ACSF3: variants seen among roughly 807,000 people sequenced by gnomAD.
ACSF3 encodes the protein acyl-CoA synthetase family member 3, also known as malonate--CoA ligase ACSF3, mitochondrial.
Under a neutral mutation model 53.2 loss-of-function variants are expected in ACSF3, and 78 were observed. That is an observed-to-expected ratio of 1.47 (90% CI 1.22 to 1.77). The LOEUF (loss-of-function observed/expected upper bound fraction) is 1.77. ACSF3 is among the 40% of genes most tolerant of loss of function. The pLI, the probability that ACSF3 is intolerant of heterozygous loss-of-function variation, is 0.00. For synonymous variants in ACSF3, 414 were observed against 333.1 expected (o/e 1.24, Z -2.65); for missense variants, 937 against 771.1 (o/e 1.22, Z -2.55).
rs560200207 is a variant in ACSF3, at chr16:89,135,958, A to G, written c.1366+2696A>G. On this transcript the variant is annotated intron_variant, in intron 8 of 10. Coordinates refer to ENST00000614302, the MANE Select transcript of ACSF3 (RefSeq NM_001243279.3). ...CCCGGCTAATTTTTGTATTTTTAGT[A>G]AAGACAGGGTTTTGCCATGTTGGCC... is the stretch of plus-strand genomic sequence containing the variant. 1.1e-3 allele frequency among the ~76,000 whole-genome samples: 172 copies of G among 152,312 alleles called. 2 individuals are homozygous for G. The highest frequency in any genetic ancestry group is 3.7e-3 in the African/African-American group (155 of 41,576).
intron 7 of ACSF3, among the ~76,000 whole-genome samples, chr16:89,125,266 C>T (rs962988145): frequency 6.0e-5 from 9 of 150,692 alleles, no homozygotes; most frequent in Non-Finnish European, 1.2e-4. Flanking sequence ...TCACTTGAAA[C>T]CAGAAGGCGG....
chr16:89,117,714 C>G (rs1171078467), intron 6 of ACSF3, among the ~76,000 whole-genome samples: 2 of 152,030 alleles, frequency 1.3e-5, no homozygotes, highest in Admixed American at 6.5e-5. Flanking sequence ...CCCAGAGACC[C>G]AGGGGAGGCT....
chr16:89,131,561 T>C (rs1195227556), intron 7 of ACSF3, among the ~76,000 whole-genome samples: 1 of 151,934 alleles, frequency 6.6e-6, no homozygotes, highest in Non-Finnish European at 1.5e-5. Flanking sequence ...ATATTTTTAA[T>C]GTTAGGGATG....
intron 4 of ACSF3, among the ~76,000 whole-genome samples, chr16:89,108,680 G>T (rs1241428656): frequency 6.6e-6 from 1 of 152,112 alleles, no homozygotes; most frequent in Admixed American, 6.5e-5. Context: ...TTGCAGGATG[G>T]TTCTGAGTTT....
intron 10 of ACSF3, chr16:89,153,690 C>T: frequency 3.2e-6 from 1 of 310,236 alleles, no homozygotes; most frequent in South Asian, 3.0e-5. Context: ...CTTCCGCACG[C>T]CTCCTCTGGA....
At chr16:89,114,953 C>A (rs1257910756) in intron 6 of ACSF3, 1 of 276,166 alleles carries the variant, frequency 3.6e-6, no homozygotes, top group South Asian at 3.6e-5. Context: ...TGTCTTCCTT[C>A]TCTAGATGTG....
At chr16:89,124,610 C>T (rs568781305) in intron 7 of ACSF3, among the ~76,000 whole-genome samples, 23 of 151,560 alleles carry the variant, frequency 1.5e-4, no homozygotes, top group African/African-American at 4.1e-4. Flanking sequence ...GCATGCACTG[C>T]GTGTATGTGT....
intron 3 of ACSF3, 141 bp downstream of exon 3, chr16:89,101,488 C>T (rs773323006): frequency 8.4e-5 from 127 of 1,504,234 alleles, no homozygotes; most frequent in Non-Finnish European, 1.1e-4. Context: ...GTGTGAGATA[C>T]AGGGACGCAG....
chr16:89,099,862 G>T (rs1360491324), intron 2 of ACSF3, among the ~76,000 whole-genome samples: 2 of 151,646 alleles, frequency 1.3e-5, no homozygotes, highest in Admixed American at 6.6e-5. Flanking sequence ...GGAAAAAAAG[G>T]TGAGAGAGAG....
intron 8 of ACSF3, among the ~76,000 whole-genome samples, chr16:89,140,550 C>G (rs150980937): frequency 2.8e-3 from 429 of 152,284 alleles, no homozygotes; most frequent in Non-Finnish European, 4.9e-3. Context: ...AGCAAAAGTC[C>G]GACAGGCTGG....
intron 1 of ACSF3, among the ~76,000 whole-genome samples, chr16:89,095,732 AC>A (rs927093038): frequency 6.6e-6 from 1 of 152,182 alleles, no homozygotes; most frequent in Non-Finnish European, 1.5e-5. Flanking sequence ...CATGGGGAGC[AC>A]CCTGCTGAGC....
At chr16:89,150,496 G>GGGGACACCAGGCCGCCCCTGCCCA (rs1388058436) in intron 10 of ACSF3, 1 of 166,136 alleles carries the variant, frequency 6.0e-6, no homozygotes, top group African/African-American at 2.4e-5. Context: ...CCCTCTGCGT[G>GGGGACACCAGGCCGCCCCTGCCCA]GGGACACCAG....
chr16:89,095,400 T>G (rs1337797125), intron 1 of ACSF3: 1 of 152,248 alleles, frequency 6.6e-6, no homozygotes, highest in African/African-American at 2.4e-5. Flanking sequence ...TGGTTTTTTT[T>G]ATTTGAATGT....
rs1277220809 is a variant in ACSF3 at position 89,155,309 on chromosome 16, A to G, written c.*1102A>G. ...GGAATGCACGTCTGAAAGAGTGGCCAGAAACGAGTGTGCCGGGCAGGAGGC... is the reference window on the plus strand; with the variant it reads ...GGAATGCACGTCTGAAAGAGTGGCCGGAAACGAGTGTGCCGGGCAGGAGGC... On this transcript the variant is annotated 3_prime_UTR_variant, in exon 11 of 11. Coordinates refer to ENST00000614302, the MANE Select transcript of ACSF3 (RefSeq NM_001243279.3). 2 of 453,534 alleles carry G rather than the reference A, an allele frequency of 4.4e-6. No individual in the cohort carries two copies. Among genetic ancestry groups the G allele is most frequent in the African/African-American group, 2.0e-5 (1 of 50,012 alleles). The allele number at this position is 453,534 out of a possible 1,614,324, so 28.1% of individuals were successfully genotyped here. A position where few individuals can be genotyped will look rare whatever the true frequency, so the allele number is the denominator to read the frequency against.
intron 6 of ACSF3, chr16:89,114,702 G>T: frequency 1.4e-6 from 1 of 690,484 alleles, no homozygotes; most frequent in African/African-American, 1.7e-5. Flanking sequence ...CGGGTGGATG[G>T]GGGAGGTGTC....
At chr16:89,140,165 T>G (rs1911467591) in intron 8 of ACSF3, among the ~76,000 whole-genome samples, 1 of 152,204 alleles carries the variant, frequency 6.6e-6, no homozygotes, top group Admixed American at 6.5e-5. Context: ...TTCCAGCACC[T>G]TCCCTCCTGC....
rs140328142 is a variant in ACSF3, at chr16:89,154,149, G to C, written c.1673G>C (p.Arg558Pro). The change falls in exon 11 of 11, where the codon CGG (arginine) becomes CCG (proline). Residue 558 changes from arginine (R) to proline (P), a missense_variant. By Grantham distance (103) the Arg-to-Pro change is moderately radical (BLOSUM62 -2). Transcript: ENST00000614302. The stretch of plus-strand genomic sequence containing the variant: ...CTGGTGCTGGTGGAGGAGATCCCGC[G>C]GAACCAGATGGGCAAGATTGACAAG... ...SELVLVEEIP[R>P]NQMGKIDKKA... The C allele has an allele frequency of 1.5e-5, 25 of 1,613,310 alleles. No individual in the cohort carries two copies. The African/African-American group carries it at 2.7e-4, about 17-fold the overall frequency.
intron 4 of ACSF3, among the ~76,000 whole-genome samples, chr16:89,108,545 TC>T (rs1976294785): frequency 6.6e-6 from 1 of 152,108 alleles, no homozygotes; most frequent in African/African-American, 2.4e-5. Context: ...AGTGTCCATT[TC>T]CCCCCATTCC....
intron 8 of ACSF3, among the ~76,000 whole-genome samples, chr16:89,135,157 A>G (rs945202984): frequency 6.6e-6 from 1 of 152,146 alleles, no homozygotes; most frequent in East Asian, 1.9e-4. Flanking sequence ...TTTTCCAAAA[A>G]AAAGAGGCCC....
Sources: allele counts gnomAD v4.1 joint callset (sites outside exome capture counted in the v4.1 genomes callset), GRCh38; gene constraint gnomAD v4.1.1; transcripts MANE v1.5; gene names NCBI Gene and HGNC (gene_info 2026-07-23, HGNC 2026-07-21).